The following PMS2 variants were observed in gnomAD, a reference collection of about 807,000 sequenced individuals.
PMS2 encodes the protein PMS1 homolog 2, mismatch repair system component, also known as mismatch repair endonuclease PMS2.
PMS2 carries 69 observed loss-of-function variants against 90.0 expected under a neutral mutation model. The ratio of observed to expected loss-of-function variants is 0.77; its 90% CI spans 0.63 to 0.94. The LOEUF is 0.94. Among genes scored for constraint, PMS2 ranks in the 40% least tolerant of loss-of-function variants. The probability of loss-of-function intolerance (pLI) is 0.00; values close to 1 mark genes in which losing one functional copy is unlikely to be tolerated. For missense variants in PMS2, 966 were observed against 1,040.2 expected, an observed-to-expected ratio of 0.93 and a Z score of 0.98; for synonymous variants, 332 against 375.1, an observed-to-expected ratio of 0.89 and a Z score of 1.33.
chr7:5,983,644 ATTTTTTCTTTTT>A (rs1418382364), intron 11 of PMS2, among the ~76,000 whole-genome samples: 1 of 150,266 alleles, frequency 6.7e-6, no homozygotes. Context: ...CTACTTCATT[ATTTTTTCTTTTT>A]TTTTTTCTTT....
intron 12 of PMS2, 105 bp downstream of exon 12, chr7:5,982,719 C>T (rs1177042968): frequency 2.0e-5 from 30 of 1,536,164 alleles, no homozygotes; most frequent in Non-Finnish European, 2.6e-5. Context: ...GCTGTGTTGT[C>T]CGGGCTGGTC....
At position 5,985,583 on chromosome 7, in the gene PMS2, C is replaced by T. The variant is rs1266096900; in HGVS notation, c.2006+1176G>A. ...TTTTTTTTTTTTTTGAGATGGAGTT[C>T]GCTCTTGTTGCCCAGGCTGGAGTGC... is the stretch of plus-strand genomic sequence containing the variant. On this transcript the variant is annotated intron_variant, in intron 11 of 14. Transcript: ENST00000265849. 1.3e-4 allele frequency among the ~76,000 whole-genome samples: 17 copies of T among 130,278 alleles called. No homozygotes were observed. The South Asian group carries it at 3.1e-3, about 24-fold the overall frequency. The allele number at this position is 130,278 out of a possible 152,430, so 85.5% of individuals were successfully genotyped here.
Position 6,002,626 on chromosome 7 carries a change from T to C in PMS2, c.364A>G (p.Ile122Val), listed in dbSNP as rs761748894. ...SSLCALSDVT[I>V]STCHASAKVG... ...TTCGCCGATGCGTGGCAGGTAGAAATGGTGACATCGCTGTGAGAGAATACC... is the reference window on the plus strand; with the variant it reads ...TTCGCCGATGCGTGGCAGGTAGAAACGGTGACATCGCTGTGAGAGAATACC... The change falls in exon 5 of 15, where the codon ATT becomes GTT. Residue 122 changes from isoleucine to valine, a missense_variant. This residue lies in a region of PMS2 where 871 missense variants were observed against 802.4 expected (regional missense o/e 1.09). Transcript: ENST00000265849. 2.5e-6 allele frequency: 4 copies of C among 1,611,504 alleles called. No individual in the cohort carries two copies. The highest frequency in any genetic ancestry group is 2.5e-6 in the Non-Finnish European group (3 of 1,179,410).
intron 9 of PMS2, 142 bp downstream of exon 9, chr7:5,991,831 C>G (rs1361844059): frequency 3.2e-6 from 2 of 622,274 alleles, no homozygotes; most frequent in Non-Finnish European, 5.8e-6. Flanking sequence ...AGAGCAAGAC[C>G]CCGTCTCAAA....
At chr7:6,007,653 C>G (rs1224172417) in intron 1 of PMS2, among the ~76,000 whole-genome samples, 2 of 152,082 alleles carry the variant, frequency 1.3e-5, no homozygotes, top group Non-Finnish European at 2.9e-5. Flanking sequence ...TGGGTATTTC[C>G]TACAGCATTT....
At position 5,973,196 on chromosome 7, in the gene PMS2, C is replaced by T. The variant is rs1442938837; in HGVS notation, c.*203G>A. 34 of 468,808 alleles carry T rather than the reference C, an allele frequency of 7.3e-5. 1 individual carries two copies. The highest frequency in any genetic ancestry group is 3.0e-4 in the African/African-American group (13 of 43,308). 29.0% of individuals were successfully genotyped at this position (468,808 alleles called of 1,614,324 possible). The stretch of plus-strand genomic sequence containing the variant: ...TCTTGCCTGGACACACACACACGAG[C>T]GCATGCAAACATAGAGAAAAAAAAT... On this transcript the variant is annotated 3_prime_UTR_variant, in exon 15 of 15. Coordinates refer to ENST00000265849, the MANE Select transcript of PMS2 (RefSeq NM_000535.7).
At chr7:6,009,063 C>T, upstream of PMS2, 1 of 1,607,126 alleles carries the variant, frequency 6.2e-7, no homozygotes, top group Non-Finnish European at 8.5e-7. Flanking sequence ...AAAGTTCCCT[C>T]CAGGGCTCCC....
chr7:6,000,926 G>C (rs1045980150), intron 5 of PMS2, among the ~76,000 whole-genome samples: 1 of 152,304 alleles, frequency 6.6e-6, no homozygotes, highest in East Asian at 1.9e-4. Context: ...AGGAGGTGGA[G>C]GTTGCAGTGA....
intron 12 of PMS2, among the ~76,000 whole-genome samples, chr7:5,981,058 C>T (rs189947809): frequency 2.6e-5 from 4 of 151,634 alleles, no homozygotes; most frequent in Non-Finnish European, 4.4e-5. Flanking sequence ...ATTTCCCACA[C>T]GAAAATCCAT....
At chr7:6,007,418 T>C (rs1431919118) in intron 1 of PMS2, among the ~76,000 whole-genome samples, 1 of 152,124 alleles carries the variant, frequency 6.6e-6, no homozygotes, top group Non-Finnish European at 1.5e-5. Context: ...CCATCCCCTA[T>C]ATTGTAGCAC....
rs864622553 is a variant in PMS2 at position 5,987,540 on chromosome 7, C to G, written c.1225G>C (p.Gly409Arg). ...ATGGACACGTCTTTTTTTTCTTCTC[C>G]AGTCCTTAATGAAGGGGATTGATCC... The part of the protein sequence containing the change: ...KQDQSPSLRT[G>R]EEKKDVSISR... The change falls in exon 11 of 15, where the codon GGA becomes CGA. Residue 409 changes from glycine to arginine, a missense_variant. Around this residue, in one of 2 missense-constraint regions of PMS2, gnomAD observed 871 missense variants for 802.4 expected, o/e 1.09. Coordinates refer to ENST00000265849, the MANE Select transcript of PMS2 (RefSeq NM_000535.7). The G allele has an allele frequency of 2.4e-5, 39 of 1,613,936 alleles. No homozygotes were observed. Among genetic ancestry groups the G allele is most frequent in the Non-Finnish European group, 3.3e-5 (39 of 1,180,010 alleles).
chr7:6,006,586 G>C (rs1785797934), intron 1 of PMS2, among the ~76,000 whole-genome samples: 1 of 151,984 alleles, frequency 6.6e-6, no homozygotes. Flanking sequence ...CCAGGAGGCG[G>C]AGGTTGCAGT....
Position 5,981,805 on chromosome 7 carries a change from G to A in PMS2, c.2174+1019C>T, listed in dbSNP as rs1236818478. On this transcript the variant is annotated intron_variant, in intron 12 of 14. Transcript: ENST00000265849. ...TCTCTGCATGTGCCTCAGTTTTATC[G>A]CTTGTGGAATGGTGATGGTAACAGT... Among the ~76,000 whole-genome samples, 5 of 151,792 alleles carry A rather than the reference G, an allele frequency of 3.3e-5. 1 individual carries two copies. Among genetic ancestry groups the A allele is most frequent in the South Asian group, 2.1e-4 (1 of 4,824 alleles).
intron 14 of PMS2, among the ~76,000 whole-genome samples, chr7:5,975,536 C>CTT (rs1174599287): frequency 1.1e-4 from 4 of 36,582 alleles, no homozygotes; most frequent in East Asian, 1.3e-3. Flanking sequence ...TCCATTCTAC[C>CTT]TTTTTTTTTT....
intron 4 of PMS2, among the ~76,000 whole-genome samples, chr7:6,002,918 T>C (rs1165768005): frequency 6.6e-6 from 1 of 152,224 alleles, no homozygotes; most frequent in Non-Finnish European, 1.5e-5. Context: ...TTAAGATTTA[T>C]TTATTCACAA....
intron 8 of PMS2, among the ~76,000 whole-genome samples, chr7:5,994,597 C>T (rs1187775193): frequency 6.6e-6 from 1 of 151,448 alleles, no homozygotes; most frequent in Non-Finnish European, 1.5e-5. Flanking sequence ...CAAGGTGAAA[C>T]CCCGTCTCTA....
At chr7:5,978,271 G>A (rs2429574) in intron 13 of PMS2, among the ~76,000 whole-genome samples, 107,243 of 147,602 alleles carry the variant, frequency 0.73, 37,987 homozygotes, top group East Asian at 0.88. Flanking sequence ...CTATAGTTCT[G>A]ATTTTTTTTT....
At chr7:5,987,687 T>C in intron 10 of PMS2, 67 bp from the exon 11 acceptor site, 1 of 944,914 alleles carries the variant, frequency 1.1e-6, no homozygotes. Context: ...CGTGCTTATG[T>C]GAACAGATAC....
chr7:5,991,235 T>G (rs886984962), intron 9 of PMS2, among the ~76,000 whole-genome samples: 3 of 151,812 alleles, frequency 2.0e-5, no homozygotes, highest in Non-Finnish European at 2.9e-5. Flanking sequence ...TAAAGAGCAG[T>G]ATACAAAATT....
Sources: allele counts gnomAD v4.1 joint callset (sites outside exome capture counted in the v4.1 genomes callset), GRCh38; gene constraint gnomAD v4.1.1; regional missense constraint gnomAD v4.1.1; transcripts MANE v1.5; gene names NCBI Gene and HGNC (gene_info 2026-07-23, HGNC 2026-07-21).